Variants in CEP120 observed in about 807,000 individuals in gnomAD.
CEP120 encodes centrosomal protein 120.
CEP120 carries 113 observed loss-of-function variants against 126.5 expected under a neutral mutation model. The ratio of observed to expected loss-of-function variants is 0.89; its 90% confidence interval spans 0.77 to 1.04. The LOEUF (loss-of-function observed/expected upper bound fraction) is 1.04. Among genes scored for constraint, CEP120 ranks in the 50% least tolerant of loss-of-function variants. CEP120 has a pLI of 0.00. For synonymous variants in CEP120, 400 were observed against 394.3 expected, an observed-to-expected ratio of 1.01 and a Z score of -0.17; for missense variants, 1,230 against 1,155.7, an observed-to-expected ratio of 1.06 and a Z score of -0.93.
At chr5:123,394,398 AC>A (rs1265381621) in intron 5 of CEP120, among the ~76,000 whole-genome samples, 2 of 152,154 alleles carry the variant, frequency 1.3e-5, no homozygotes, top group Non-Finnish European at 2.9e-5. Flanking sequence ...GGAGCACGCA[AC>A]CTAGATCCCT....
Position 123,381,404 on chromosome 5 carries a change from C to A in CEP120, c.2103+707G>T, listed in dbSNP as rs1186348637. Among the ~76,000 whole-genome samples the A allele has an allele frequency of 2.0e-5, 3 of 148,154 alleles. No individual in the cohort carries two copies. In the South Asian group the frequency reaches 6.5e-4, roughly 32 times the overall value. On this transcript the variant is annotated intron_variant, in intron 14 of 19. Coordinates refer to ENST00000306467, the MANE Select transcript of CEP120 (RefSeq NM_001375405.1). ...GAGCACTGGAGCCCTGTAGAGCCATCCCCTCAAATCTGAAGCTGAATACTG... is the reference window on the plus strand; with the variant it reads ...GAGCACTGGAGCCCTGTAGAGCCATACCCTCAAATCTGAAGCTGAATACTG...
intron 5 of CEP120, 91 bp from the exon 6 acceptor site, chr5:123,393,588 A>C: frequency 9.0e-7 from 1 of 1,113,042 alleles, no homozygotes; most frequent in Non-Finnish European, 1.3e-6. Context: ...ACATTTGCTA[A>C]AATGTTTTTT....
intron 18 of CEP120, 123 bp from the exon 19 acceptor site, chr5:123,350,212 CTTTT>C: frequency 3.0e-6 from 2 of 671,120 alleles, no homozygotes; most frequent in Non-Finnish European, 2.3e-6. Flanking sequence ...ACTGCCAATT[CTTTT>C]TTTTTTTAAC....
chr5:123,418,597 TGG>T, intron 1 of CEP120, 82 bp from the exon 2 acceptor site: 2 of 1,152,908 alleles, frequency 1.7e-6, no homozygotes, highest in South Asian at 2.0e-5. Flanking sequence ...TTTGTTTGGC[TGG>T]TTTTTTTTTT....
chr5:123,386,693 A>AAAAAAAGCC lies in CEP120; in HGVS notation c.1431-27_1431-26insGGCTTTTTT. 4.2e-6 allele frequency: 6 copies of AAAAAAAGCC among 1,419,922 alleles called. No homozygotes were observed. In the South Asian group the frequency reaches 9.8e-5, roughly 23 times the overall value. 88.0% of individuals were successfully genotyped at this position (1,419,922 alleles called of 1,614,324 possible). ...CTAGAATTTAAAAAAAAAAAAAAAA[A>AAAAAAAGCC]AAAAAGCCTTAATGATATGGTTTAC... is the stretch of plus-strand genomic sequence containing the variant. On this transcript the variant is annotated intron_variant, in intron 9 of 19. Coordinates refer to ENST00000306467, the MANE Select transcript of CEP120 (RefSeq NM_001375405.1).
At position 123,345,491 on chromosome 5, in the gene CEP120, C is replaced by CTT. The variant is rs1768747907; in HGVS notation, c.*1026_*1027dup. 2.0e-5 allele frequency: 3 copies of CTT among 152,214 alleles called. No individual in the cohort carries two copies. Among genetic ancestry groups the CTT allele is most frequent in the Non-Finnish European group, 4.4e-5 (3 of 68,004 alleles). 9.4% of individuals were successfully genotyped at this position (152,214 alleles called of 1,614,324 possible). ...TTTTGAAATTCAACCTAATCTGTGA[C>CTT]TTTGCTAAAACTTTTTCAGTACTCA... On this transcript the variant is annotated 3_prime_UTR_variant, in exon 20 of 20. Coordinates refer to ENST00000306467, the MANE Select transcript of CEP120 (RefSeq NM_001375405.1).
chr5:123,356,756 C>G (rs930008558), intron 18 of CEP120, among the ~76,000 whole-genome samples: 1 of 152,008 alleles, frequency 6.6e-6, no homozygotes, highest in Non-Finnish European at 1.5e-5. Context: ...ACATTTCACT[C>G]TCTCTCTTTG....
At chr5:123,400,821 T>G in intron 4 of CEP120, 1 of 822,092 alleles carries the variant, frequency 1.2e-6, no homozygotes. Flanking sequence ...GAGCCTCAGG[T>G]GGGTCTCCTG....
chr5:123,352,661 C>T (rs1451952650), intron 18 of CEP120, among the ~76,000 whole-genome samples: 2 of 151,920 alleles, frequency 1.3e-5, no homozygotes, highest in African/African-American at 4.8e-5. Context: ...ATGATTTTAG[C>T]TATTCTTGGC....
intron 18 of CEP120, chr5:123,358,557 T>C (rs1769827284): frequency 6.7e-6 from 1 of 149,290 alleles, no homozygotes; most frequent in Admixed American, 6.6e-5. Context: ...AAGCAGGAAA[T>C]AAGTAATAAA....
intron 12 of CEP120, 34 bp from the exon 13 acceptor site, chr5:123,382,923 TCA>T (rs1184701382): frequency 3.1e-6 from 5 of 1,610,004 alleles, no homozygotes; most frequent in Non-Finnish European, 4.2e-6. Context: ...ATTTAAACAC[TCA>T]CACACATATG....
At chr5:123,419,981 C>G (rs766657463) in intron 1 of CEP120, among the ~76,000 whole-genome samples, 48 of 152,304 alleles carry the variant, frequency 3.2e-4, no homozygotes, top group Non-Finnish European at 6.2e-4. Context: ...GAAATCCCTG[C>G]TGCTACTCAC....
intron 2 of CEP120, 68 bp from the exon 3 acceptor site, chr5:123,416,192 T>C: frequency 2.4e-6 from 2 of 844,452 alleles, no homozygotes; most frequent in African/African-American, 1.7e-5. Flanking sequence ...CTTGAAAATA[T>C]TTCCTATTAT....
chr5:123,411,024 C>A (rs956964991), intron 4 of CEP120, among the ~76,000 whole-genome samples: 1 of 152,096 alleles, frequency 6.6e-6, no homozygotes, highest in Admixed American at 6.5e-5. Flanking sequence ...GGGCCCAAGA[C>A]CTGAGCAGAC....
intron 19 of CEP120, among the ~76,000 whole-genome samples, chr5:123,347,455 T>C (rs955303426): frequency 6.6e-6 from 1 of 152,166 alleles, no homozygotes; most frequent in African/African-American, 2.4e-5. Context: ...GAAAGTGAAA[T>C]TCTTTACATA....
intron 4 of CEP120, among the ~76,000 whole-genome samples, chr5:123,405,386 A>G (rs1773574022): frequency 6.6e-6 from 1 of 152,234 alleles, no homozygotes; most frequent in Non-Finnish European, 1.5e-5. Flanking sequence ...TTCTTCTGGC[A>G]TAGGGAAGAG....
At chr5:123,365,467 A>C (rs1580652483) in intron 17 of CEP120, among the ~76,000 whole-genome samples, 1 of 151,876 alleles carries the variant, frequency 6.6e-6, no homozygotes, top group South Asian at 2.1e-4. Flanking sequence ...TAATTTTTAT[A>C]TCAAGTCTAG....
At chr5:123,410,372 G>A (rs150990808) in intron 4 of CEP120, among the ~76,000 whole-genome samples, 1 of 152,112 alleles carries the variant, frequency 6.6e-6, no homozygotes, top group African/African-American at 2.4e-5. Context: ...AAAAGAACCA[G>A]AACAGCCAAT....
intron 4 of CEP120, chr5:123,401,470 A>C (rs1773231602): frequency 1.6e-6 from 2 of 1,276,004 alleles, no homozygotes; most frequent in African/African-American, 2.9e-5. Flanking sequence ...TCCCAGCCAG[A>C]CTCTGCAGCT....
Sources: gnomAD v4.1 joint callset for allele counts (sites outside exome capture counted in the v4.1 genomes callset) on GRCh38, gnomAD v4.1.1 for gene constraint, MANE v1.5 for transcripts, NCBI Gene and HGNC (gene_info 2026-07-23, HGNC 2026-07-21) for gene names.